Variants in TENM3 observed in about 807,000 individuals in gnomAD.
The protein encoded by TENM3 is teneurin transmembrane protein 3, also known as teneurin-3.
A neutral mutation model predicts 255.1 loss-of-function variants in TENM3; 63 were observed. The ratio of observed to expected loss-of-function variants is 0.25; its 90% CI spans 0.20 to 0.30. TENM3 has a LOEUF of 0.30. Ranked by LOEUF, TENM3 falls within the 10% of genes least tolerant of loss-of-function variation. TENM3 has a pLI of 1.00. For synonymous variants in TENM3, 1,306 were observed against 1,322.3 expected, an observed-to-expected ratio of 0.99 and a Z score of 0.27; for missense variants, 2,929 against 3,461.1, an observed-to-expected ratio of 0.85 and a Z score of 3.86.
chr4:181,910,239 A>G, the TENM3 span, among the ~76,000 whole-genome samples: 1 of 152,154 alleles, frequency 6.6e-6, no homozygotes, highest in East Asian at 1.9e-4. Flanking sequence ...CATGCTAAAT[A>G]AGTGCTCTAT....
At chr4:181,915,177 A>G in the TENM3 span, among the ~76,000 whole-genome samples, 288 of 152,278 alleles carry the variant, frequency 1.9e-3, 1 homozygote, top group Non-Finnish European at 3.2e-3. Flanking sequence ...GGGTTACTAG[A>G]TAAGTGAAGC....
At position 182,437,357 on chromosome 4, in the gene TENM3, C is replaced by T. The variant is rs74984909; in HGVS notation, c.511+90428C>T. Among the ~76,000 whole-genome samples, 359 of 152,084 alleles carry T rather than the reference C, an allele frequency of 2.4e-3. 3 individuals are homozygous for T. Among genetic ancestry groups the T allele is most frequent in the African/African-American group, 7.3e-3 (302 of 41,494 alleles). On this transcript the variant is annotated intron_variant, in intron 3 of 27. Coordinates refer to ENST00000511685, the MANE Select transcript of TENM3 (RefSeq NM_001080477.4). ...AAGAAAATGAATGAATTTTAAAATACAGCTACTGAGGCCAGCCATCGTTGC... is the reference window on the plus strand; with the variant it reads ...AAGAAAATGAATGAATTTTAAAATATAGCTACTGAGGCCAGCCATCGTTGC...
chr4:181,783,988 CT>C, the TENM3 span, among the ~76,000 whole-genome samples: 1 of 152,152 alleles, frequency 6.6e-6, no homozygotes, highest in Non-Finnish European at 1.5e-5. Flanking sequence ...TAAGTGTAAA[CT>C]TGTAGCATTT....
At chr4:181,448,273 T>C in the TENM3 span, among the ~76,000 whole-genome samples, 1 of 141,562 alleles carries the variant, frequency 7.1e-6, no homozygotes, top group Non-Finnish European at 1.5e-5. Context: ...TTCACGCCAT[T>C]CTCCTGCCTC....
intron 3 of TENM3, among the ~76,000 whole-genome samples, chr4:182,503,880 C>T (rs1013829201): frequency 7.9e-5 from 12 of 152,114 alleles, no homozygotes; most frequent in Non-Finnish European, 1.5e-4. Context: ...TCTAATATCA[C>T]CATCTCTGTG....
chr4:182,521,297 A>G (rs778823834), intron 3 of TENM3, among the ~76,000 whole-genome samples: 9 of 152,240 alleles, frequency 5.9e-5, no homozygotes, highest in Non-Finnish European at 1.2e-4. Context: ...ATCCTTTCAT[A>G]TATTTATCAA....
the TENM3 span, among the ~76,000 whole-genome samples, chr4:181,486,846 A>G: frequency 1.2e-4 from 19 of 152,206 alleles, no homozygotes; most frequent in Non-Finnish European, 2.5e-4. Context: ...AAGATAATGT[A>G]CAATTACATT....
chr4:182,416,982 G>T (rs918057512), intron 3 of TENM3, among the ~76,000 whole-genome samples: 2 of 152,028 alleles, frequency 1.3e-5, no homozygotes, highest in South Asian at 4.2e-4. Context: ...TGTTGTTGTT[G>T]TTTTTTTCTG....
chr4:181,695,146 C>T, the TENM3 span, among the ~76,000 whole-genome samples: 2 of 152,016 alleles, frequency 1.3e-5, no homozygotes, highest in African/African-American at 4.8e-5. Flanking sequence ...TTAATATTTG[C>T]CTAACAAATA....
chr4:182,741,378 A>G (rs1761593765), intron 18 of TENM3, among the ~76,000 whole-genome samples: 1 of 152,200 alleles, frequency 6.6e-6, no homozygotes, highest in South Asian at 2.1e-4. Flanking sequence ...GACATGAAGG[A>G]AGAAGAGAAT....
chr4:182,076,496 C>G, the TENM3 span, among the ~76,000 whole-genome samples: 1 of 152,180 alleles, frequency 6.6e-6, no homozygotes, highest in Non-Finnish European at 1.5e-5. Flanking sequence ...GCCGCCACTC[C>G]CAGCCTCTTT....
At chr4:182,242,020 C>CTT (rs201648379), upstream of TENM3, among the ~76,000 whole-genome samples, 4 of 133,588 alleles carry the variant, frequency 3.0e-5, no homozygotes, top group Non-Finnish European at 4.7e-5. Flanking sequence ...TTTTTCCTCT[C>CTT]TCTTTTTTTT....
At chr4:182,720,018 C>T (rs1233713186) in intron 13 of TENM3, among the ~76,000 whole-genome samples, 11 of 152,016 alleles carry the variant, frequency 7.2e-5, no homozygotes, top group African/African-American at 1.2e-4. Flanking sequence ...GCCATGATCG[C>T]GCCACTGCAC....
chr4:181,513,442 C>T, the TENM3 span, among the ~76,000 whole-genome samples: 1 of 152,136 alleles, frequency 6.6e-6, no homozygotes, highest in Admixed American at 6.5e-5. Flanking sequence ...CGGAGGCCCT[C>T]AGGGTTTAGC....
intron 3 of TENM3, among the ~76,000 whole-genome samples, chr4:182,574,175 G>A (rs1473914935): frequency 6.6e-6 from 1 of 152,022 alleles, no homozygotes; most frequent in East Asian, 1.9e-4. Context: ...GTTTGGTTAT[G>A]TTATTTGTAT....
At chr4:182,271,409 C>T (rs1187050497) in intron 1 of TENM3, among the ~76,000 whole-genome samples, 4 of 152,102 alleles carry the variant, frequency 2.6e-5, no homozygotes, top group Non-Finnish European at 5.9e-5. Flanking sequence ...TTGCAATCAT[C>T]GGTAAATAAG....
intron 1 of TENM3, among the ~76,000 whole-genome samples, chr4:182,193,574 C>A (rs1015388481): frequency 2.6e-5 from 4 of 152,194 alleles, no homozygotes; most frequent in African/African-American, 4.8e-5. Context: ...ACATTCCATG[C>A]GTCCCAGGGG....
At chr4:182,415,193 T>G (rs1770280862) in intron 3 of TENM3, among the ~76,000 whole-genome samples, 1 of 152,244 alleles carries the variant, frequency 6.6e-6, no homozygotes, top group Admixed American at 6.5e-5. Flanking sequence ...TTAGCTGTGC[T>G]TTCTGACCAC....
At chr4:182,603,948 G>A (rs1171909400) in intron 4 of TENM3, among the ~76,000 whole-genome samples, 4 of 151,698 alleles carry the variant, frequency 2.6e-5, no homozygotes, top group Non-Finnish European at 5.9e-5. Flanking sequence ...ATAGTAATTG[G>A]TTACAAAATG....
Sources: gnomAD v4.1 joint callset for allele counts (sites outside exome capture counted in the v4.1 genomes callset) on GRCh38, gnomAD v4.1.1 for gene constraint, MANE v1.5 for transcripts, NCBI Gene and HGNC (gene_info 2026-07-23, HGNC 2026-07-21) for gene names.